Variants in DAPK1 observed in about 807,000 individuals in gnomAD.
DAPK1 encodes the protein death associated protein kinase 1, also known as death-associated protein kinase 1.
In DAPK1, 56 loss-of-function variants were observed where a neutral mutation model predicts 144.9. The observed-to-expected ratio is 0.39, with a 90% CI of 0.31 to 0.48. The LOEUF is 0.48. DAPK1 is among the 20% of genes least tolerant of loss of function. The probability of loss-of-function intolerance (pLI) is 0.95; values close to 1 mark genes in which losing one functional copy is unlikely to be tolerated. For synonymous variants in DAPK1, 690 were observed against 749.0 expected, an observed-to-expected ratio of 0.92 and a Z score of 1.29; for missense variants, 1,454 against 1,875.4, an observed-to-expected ratio of 0.78 and a Z score of 4.15.
At chr9:87,507,287 A>G (rs1824639709) in intron 2 of DAPK1, among the ~76,000 whole-genome samples, 1 of 152,148 alleles carries the variant, frequency 6.6e-6, no homozygotes, top group Admixed American at 6.5e-5. Flanking sequence ...ATCTCGGCTC[A>G]CTGCAACCTC....
intron 2 of DAPK1, among the ~76,000 whole-genome samples, chr9:87,551,000 G>C (rs1826460428): frequency 6.6e-6 from 1 of 152,240 alleles, no homozygotes; most frequent in Non-Finnish European, 1.5e-5. Flanking sequence ...GTCCTCTGAA[G>C]GCAGAAGGCC....
intron 14 of DAPK1, among the ~76,000 whole-genome samples, chr9:87,647,672 A>C (rs1458404709): frequency 1.9e-4 from 29 of 152,232 alleles, no homozygotes; most frequent in Admixed American, 1.9e-3. Context: ...AAGTTCTAGT[A>C]CAGACAACCA....
intron 2 of DAPK1, among the ~76,000 whole-genome samples, chr9:87,524,223 C>T (rs1033785962): frequency 6.6e-6 from 1 of 152,194 alleles, no homozygotes. Flanking sequence ...CCCAAAGGCC[C>T]TGCACATTCC....
intron 2 of DAPK1, among the ~76,000 whole-genome samples, chr9:87,508,855 AG>A (rs1334342188): frequency 2.6e-5 from 4 of 152,208 alleles, no homozygotes; most frequent in Admixed American, 2.6e-4. Context: ...CAGAGAGGAT[AG>A]GTACACCTAA....
chr9:87,590,112 A>G (rs568958214), intron 2 of DAPK1, among the ~76,000 whole-genome samples: 1 of 152,314 alleles, frequency 6.6e-6, no homozygotes, highest in East Asian at 1.9e-4. Flanking sequence ...TAAGCCAATT[A>G]ATCTTGGAGA....
At chr9:87,662,921 C>T (rs908898072) in intron 18 of DAPK1, among the ~76,000 whole-genome samples, 7 of 152,046 alleles carry the variant, frequency 4.6e-5, no homozygotes, top group African/African-American at 1.7e-4. Context: ...CCTCACAGCG[C>T]ATCCTTACTC....
chr9:87,613,344 C>T (rs924729979), intron 3 of DAPK1, among the ~76,000 whole-genome samples: 1 of 152,082 alleles, frequency 6.6e-6, no homozygotes, highest in African/African-American at 2.4e-5. Flanking sequence ...AATGCTGTGC[C>T]TATTGAACAA....
intron 19 of DAPK1, among the ~76,000 whole-genome samples, chr9:87,670,783 G>A (rs1007622471): frequency 6.6e-6 from 1 of 152,160 alleles, no homozygotes; most frequent in Non-Finnish European, 1.5e-5. Flanking sequence ...GGGCCAGGGG[G>A]ACCTGCAGTC....
intron 2 of DAPK1, among the ~76,000 whole-genome samples, chr9:87,580,897 A>G (rs1042686940): frequency 6.6e-6 from 1 of 152,116 alleles, no homozygotes; most frequent in Non-Finnish European, 1.5e-5. Context: ...CTTAATGTGA[A>G]TGTTTGATCA....
intron 4 of DAPK1, 67 bp from the exon 5 acceptor site, chr9:87,639,287 T>A: frequency 1.1e-5 from 13 of 1,235,510 alleles, no homozygotes; most frequent in Non-Finnish European, 1.4e-5. Flanking sequence ...AGAGAAGAAC[T>A]ATTCTGCCAT....
chr9:87,498,463 C>T (rs909433767), intron 1 of DAPK1: 3 of 269,770 alleles, frequency 1.1e-5, no homozygotes, highest in African/African-American at 6.6e-5. Context: ...GAATGTGGCT[C>T]TGGGGACTGC....
At chr9:87,575,272 A>AAAAT in intron 2 of DAPK1, among the ~76,000 whole-genome samples, 4 of 138,014 alleles carry the variant, frequency 2.9e-5, no homozygotes, top group Middle Eastern at 3.8e-3. Flanking sequence ...AAAATAAAAT[A>AAAAT]AAGGTAAAAG....
chr9:87,558,265 C>T (rs1412001206), intron 2 of DAPK1, among the ~76,000 whole-genome samples: 1 of 152,112 alleles, frequency 6.6e-6, no homozygotes, highest in African/African-American at 2.4e-5. Context: ...CCTGTCAGCA[C>T]CTCTCCCTGA....
At position 87,651,661 on chromosome 9, in the gene DAPK1, T is replaced by C; in HGVS notation, c.1761T>C (p.Asp587=). The part of the protein sequence containing the change: ...GNTPLHVACK[D]GNMPIVVALC... ...CTCCCCTCCATGTGGCATGTAAAGA[T>C]GGCAACATGCCTATCGTGGTGGCCC... The change falls in exon 17 of 26, where the codon GAT becomes GAC. Residue 587 remains aspartate (D), a synonymous_variant. Coordinates refer to ENST00000408954, the MANE Select transcript of DAPK1 (RefSeq NM_004938.4). The C allele has an allele frequency of 6.2e-7, 1 of 1,614,214 alleles. No homozygotes were observed. The highest frequency in any genetic ancestry group is 8.5e-7 in the Non-Finnish European group (1 of 1,180,026).
chr9:87,700,273 T>C, intron 24 of DAPK1, 36 bp downstream of exon 24: 1 of 1,583,436 alleles, frequency 6.3e-7, no homozygotes, highest in East Asian at 2.2e-5. Context: ...GACCCCTTTG[T>C]ACTTCCTTCC....
rs377278265 is a variant in DAPK1 at position 87,658,040 on chromosome 9, G to A, written c.1836G>A (p.Thr612=). The A allele has an allele frequency of 4.0e-5, 56 of 1,410,818 alleles. No individual in the cohort carries two copies. The highest frequency in any genetic ancestry group is 3.9e-4 in the Admixed American group (23 of 59,408). The allele number at this position is 1,410,818 out of a possible 1,614,324, so 87.4% of individuals were successfully genotyped here. ...NLDISNKYGR[T]PLHLAANNGI... is the part of the protein sequence containing the mutation. ...TTCTCTCTTCCCAGTATGGGCGAAC[G>A]CCTCTGCACCTTGCGGCCAACAACG... Residue 612 remains threonine (T), a synonymous_variant, in exon 18 of 26, where the codon ACG becomes ACA. Coordinates refer to ENST00000408954, the MANE Select transcript of DAPK1 (RefSeq NM_004938.4).
At chr9:87,631,983 TAAAG>T (rs1384498927) in intron 3 of DAPK1, 2 of 699,266 alleles carry the variant, frequency 2.9e-6, no homozygotes, top group Middle Eastern at 7.9e-4. Context: ...TATGTAGAAA[TAAAG>T]GAAGATGAGT....
intron 2 of DAPK1, among the ~76,000 whole-genome samples, chr9:87,515,756 C>A (rs1397014725): frequency 6.6e-6 from 1 of 152,174 alleles, no homozygotes; most frequent in Non-Finnish European, 1.5e-5. Flanking sequence ...CTGTGGTCAT[C>A]AACAAAGGGG....
chr9:87,696,808 A>G (rs933580405), intron 21 of DAPK1, among the ~76,000 whole-genome samples, 199 bp from the exon 22 acceptor site: 67 of 152,260 alleles, frequency 4.4e-4, no homozygotes, highest in Middle Eastern at 6.8e-3. Flanking sequence ...CACCTCCCAC[A>G]TCACCTCACT....
Sources: gnomAD v4.1 joint callset for allele counts (sites outside exome capture counted in the v4.1 genomes callset) on GRCh38, gnomAD v4.1.1 for gene constraint, MANE v1.5 for transcripts, NCBI Gene and HGNC (gene_info 2026-07-23, HGNC 2026-07-21) for gene names.